NCAM2: variants seen among roughly 807,000 people sequenced by gnomAD.
NCAM2 encodes the protein N-CAM-2.
A neutral mutation model predicts 98.1 loss-of-function variants in NCAM2; 30 were observed. The ratio of observed to expected loss-of-function variants is 0.31; its 90% CI spans 0.23 to 0.41. NCAM2 has a LOEUF of 0.41. NCAM2 is among the 10% of genes least tolerant of loss of function. NCAM2 has a pLI of 1.00. For missense variants in NCAM2, 867 were observed against 1,005.8 expected, an observed-to-expected ratio of 0.86 and a Z score of 1.87; for synonymous variants, 368 against 342.4, an observed-to-expected ratio of 1.07 and a Z score of -0.83.
rs752975006 is a variant in NCAM2, at chr21:21,466,706, C to A, written c.1755C>A (p.Ile585=). The A allele has an allele frequency of 6.2e-7, 1 of 1,605,846 alleles. No homozygotes were observed. The highest frequency in any genetic ancestry group is 1.3e-5 in the African/African-American group (1 of 74,396). Residue 585 remains isoleucine, a synonymous_variant, in exon 13 of 18, where the codon ATC becomes ATA. Coordinates refer to ENST00000400546, the MANE Select transcript of NCAM2 (RefSeq NM_004540.5). ...AAGGAGACTACAGTAAAATAGAAAT[C>A]TTCCAAACATTACCAGTTCGTAAGT... is the stretch of plus-strand genomic sequence containing the variant. ...KGQGDYSKIE[I]FQTLPVREPS...
intron 1 of NCAM2, among the ~76,000 whole-genome samples, chr21:21,153,714 A>G (rs1293519832): frequency 6.6e-6 from 1 of 151,924 alleles, no homozygotes; most frequent in African/African-American, 2.4e-5. Flanking sequence ...GAATGTTTGA[A>G]TATAACTTGG....
chr21:21,514,472 CAAAA>C (rs56710788), intron 16 of NCAM2, among the ~76,000 whole-genome samples: 48,044 of 129,070 alleles, frequency 0.37, 8,900 homozygotes, highest in Middle Eastern at 0.54. Context: ...TCTCAAAAAA[CAAAA>C]AAAAAAAAAA....
intron 1 of NCAM2, among the ~76,000 whole-genome samples, chr21:21,042,776 G>A (rs941467222): frequency 6.6e-6 from 1 of 152,162 alleles, no homozygotes; most frequent in Non-Finnish European, 1.5e-5. Flanking sequence ...TAAGTAAACA[G>A]AATGCAAGAG....
intron 12 of NCAM2, among the ~76,000 whole-genome samples, chr21:21,441,026 A>AGTC (rs1386999620): frequency 6.6e-6 from 1 of 152,202 alleles, no homozygotes; most frequent in East Asian, 1.9e-4. Context: ...ATAACCCTGT[A>AGTC]GTCTTCCAAA....
chr21:21,173,963 A>C (rs577726058), intron 1 of NCAM2, among the ~76,000 whole-genome samples: 1 of 152,130 alleles, frequency 6.6e-6, no homozygotes, highest in Non-Finnish European at 1.5e-5. Context: ...TGCTCTTGTC[A>C]CCCAGGCTGG....
chr21:21,415,999 C>T (rs1014687570), intron 10 of NCAM2, among the ~76,000 whole-genome samples: 12 of 152,060 alleles, frequency 7.9e-5, no homozygotes, highest in Admixed American at 3.3e-4. Context: ...TCACATTTAC[C>T]ACTTGGCTGT....
At position 21,153,377 on chromosome 21, in the gene NCAM2, A is replaced by G. The variant is rs144326348; in HGVS notation, c.56-127201A>G. On this transcript the variant is annotated intron_variant, in intron 1 of 17. Coordinates refer to ENST00000400546, the MANE Select transcript of NCAM2 (RefSeq NM_004540.5). Reference sequence around the variant, plus strand: ...GCTGTCAGTATTCTGTGCTTTCTCCATAAGTGAACTTACACTACTATGCTG... The same window carrying G: ...GCTGTCAGTATTCTGTGCTTTCTCCGTAAGTGAACTTACACTACTATGCTG... Among the ~76,000 whole-genome samples the G allele has an allele frequency of 6.6e-5, 10 of 151,736 alleles. No homozygotes were observed. In the East Asian group the frequency reaches 1.5e-3, roughly 24 times the overall value.
At chr21:21,214,386 G>C (rs2069780897) in intron 1 of NCAM2, among the ~76,000 whole-genome samples, 1 of 151,968 alleles carries the variant, frequency 6.6e-6, no homozygotes, top group Non-Finnish European at 1.5e-5. Flanking sequence ...ATTAAATTTT[G>C]CAAAGCTTAG....
At chr21:21,136,139 G>A (rs1228016182) in intron 1 of NCAM2, among the ~76,000 whole-genome samples, 1 of 152,186 alleles carries the variant, frequency 6.6e-6, no homozygotes, top group East Asian at 1.9e-4. Context: ...TATTTGAACA[G>A]ACACTTATCT....
chr21:21,502,480 A>G (rs1338123847), intron 15 of NCAM2, among the ~76,000 whole-genome samples: 2 of 151,934 alleles, frequency 1.3e-5, no homozygotes, highest in African/African-American at 2.4e-5. Context: ...CCATGATTAG[A>G]TATCACCAGG....
intron 1 of NCAM2, among the ~76,000 whole-genome samples, chr21:21,257,673 C>A (rs1388270721): frequency 6.6e-6 from 1 of 152,140 alleles, no homozygotes; most frequent in Non-Finnish European, 1.5e-5. Flanking sequence ...ACCTCTGCCT[C>A]CCGGGTTGAA....
intron 1 of NCAM2, among the ~76,000 whole-genome samples, chr21:21,105,190 CAG>C (rs1601382380): frequency 6.6e-6 from 1 of 151,994 alleles, no homozygotes; most frequent in Non-Finnish European, 1.5e-5. Context: ...GAACACAAAA[CAG>C]AGAGGTTAGA....
At position 21,440,157 on chromosome 21, in the gene NCAM2, G is replaced by A. The variant is rs114089174; in HGVS notation, c.1654+7876G>A. Among the ~76,000 whole-genome samples, 1,169 of 152,210 alleles carry A rather than the reference G, an allele frequency of 7.7e-3. 14 individuals are homozygous for A. The highest frequency in any genetic ancestry group is 0.027 in the African/African-American group (1,131 of 41,534). ...AACAGCTTGACATTTTAAAAAATGT[G>A]TCATTAAAATAACCTTTTACTTAAA... On this transcript the variant is annotated intron_variant, in intron 12 of 17. Coordinates refer to ENST00000400546, the MANE Select transcript of NCAM2 (RefSeq NM_004540.5).
chr21:21,223,041 A>G (rs969086671), intron 1 of NCAM2, among the ~76,000 whole-genome samples: 20 of 152,136 alleles, frequency 1.3e-4, no homozygotes, highest in African/African-American at 3.9e-4. Context: ...TACTTCTTAC[A>G]TACTCTGTTG....
At position 21,504,680 on chromosome 21, in the gene NCAM2, T is replaced by C. The variant is rs140261975; in HGVS notation, c.2078-4171T>C. On this transcript the variant is annotated intron_variant, in intron 15 of 17. Coordinates refer to ENST00000400546, the MANE Select transcript of NCAM2 (RefSeq NM_004540.5). Reference sequence around the variant, plus strand: ...CCTAACCTCATGAGATATGAGAAAGTATAAGCATTTAAATACATCCTCAAG... The same window carrying C: ...CCTAACCTCATGAGATATGAGAAAGCATAAGCATTTAAATACATCCTCAAG... 4.8e-3 allele frequency among the ~76,000 whole-genome samples: 724 copies of C among 151,926 alleles called. 3 individuals carry two copies. Among genetic ancestry groups the C allele is most frequent in the African/African-American group, 0.017 (695 of 41,518 alleles).
In NCAM2 at chr21:21,234,732, G is replaced by A. The variant is rs993473625; in HGVS notation, c.56-45846G>A. Among the ~76,000 whole-genome samples the A allele has an allele frequency of 3.9e-5, 6 of 151,998 alleles. 1 individual carries two copies. The highest frequency in any genetic ancestry group is 3.9e-4 in the Admixed American group (6 of 15,226). ...TCCTCTGAGTTAATGAGTGTCTGGA[G>A]CAGAGGGAGCTTTTAAGCAGAGTAG... On this transcript the variant is annotated intron_variant, in intron 1 of 17. Coordinates refer to ENST00000400546, the MANE Select transcript of NCAM2 (RefSeq NM_004540.5).
intron 1 of NCAM2, among the ~76,000 whole-genome samples, chr21:21,078,163 G>C (rs1281051507): frequency 1.3e-5 from 2 of 152,008 alleles, no homozygotes; most frequent in African/African-American, 2.4e-5. Flanking sequence ...CAAAATAGAA[G>C]CATTAATATT....
chr21:21,510,607 C>G (rs1988310852), intron 16 of NCAM2, among the ~76,000 whole-genome samples: 1 of 149,812 alleles, frequency 6.7e-6, no homozygotes, highest in Non-Finnish European at 1.5e-5. Flanking sequence ...CACATTTTGT[C>G]TTGGCTTTAT....
chr21:21,418,421 A>C, intron 10 of NCAM2, 52 bp from the exon 11 acceptor site: 1 of 1,384,340 alleles, frequency 7.2e-7, no homozygotes, highest in Non-Finnish European at 1.0e-6. Context: ...GTTTATTATA[A>C]AACTTCTGTG....
Sources: allele counts gnomAD v4.1 joint callset (sites outside exome capture counted in the v4.1 genomes callset), GRCh38; gene constraint gnomAD v4.1.1; transcripts MANE v1.5; gene names NCBI Gene and HGNC (gene_info 2026-07-23, HGNC 2026-07-21).